Variants in NOL4 observed in about 807,000 individuals in gnomAD.
NOL4 encodes the protein nucleolar protein 4.
Under a neutral mutation model 75.9 loss-of-function variants are expected in NOL4, and 17 were observed. That is an observed-to-expected ratio of 0.22 (90% CI 0.15 to 0.34). The LOEUF (loss-of-function observed/expected upper bound fraction) is 0.34. NOL4 is among the 10% of genes least tolerant of loss of function. NOL4 has a pLI of 1.00. For synonymous variants in NOL4, 292 were observed against 289.9 expected, an observed-to-expected ratio of 1.01 and a Z score of -0.07; for missense variants, 614 against 793.5, an observed-to-expected ratio of 0.77 and a Z score of 2.72.
At chr18:33,943,350 G>C (rs963399487) in intron 8 of NOL4, among the ~76,000 whole-genome samples, 172 bp from the exon 9 acceptor site, 9 of 151,490 alleles carry the variant, frequency 5.9e-5, no homozygotes, top group African/African-American at 2.2e-4. Context: ...GATGAAAAAT[G>C]AAAGCTAGTT....
chr18:34,189,365 C>G (rs574730264), intron 1 of NOL4, among the ~76,000 whole-genome samples: 1 of 152,186 alleles, frequency 6.6e-6, no homozygotes, highest in East Asian at 1.9e-4. Flanking sequence ...TCTTAATGAC[C>G]CAATCCAACT....
intron 2 of NOL4, among the ~76,000 whole-genome samples, chr18:34,116,360 C>T (rs2079857995): frequency 2.0e-5 from 3 of 152,168 alleles, no homozygotes; most frequent in Non-Finnish European, 2.9e-5. Context: ...TACTTGTCTA[C>T]TTGCCAATGT....
At chr18:34,096,113 T>C (rs2078765910) in intron 4 of NOL4, among the ~76,000 whole-genome samples, 2 of 152,026 alleles carry the variant, frequency 1.3e-5, no homozygotes, top group African/African-American at 4.8e-5. Flanking sequence ...AAATGTATGC[T>C]GACACTCTTG....
chr18:34,161,348 C>A (rs2031447872), intron 1 of NOL4, among the ~76,000 whole-genome samples: 1 of 152,094 alleles, frequency 6.6e-6, no homozygotes, highest in Non-Finnish European at 1.5e-5. Flanking sequence ...GATTGCCATT[C>A]TATTTCTAGT....
chr18:34,179,094 A>C (rs1568424063), intron 1 of NOL4, among the ~76,000 whole-genome samples: 1 of 151,640 alleles, frequency 6.6e-6, no homozygotes, highest in Non-Finnish European at 1.5e-5. Context: ...AAAACTAATG[A>C]GTCAAAGAAG....
chr18:34,098,411 A>G (rs2078890725), intron 4 of NOL4, among the ~76,000 whole-genome samples: 1 of 152,162 alleles, frequency 6.6e-6, no homozygotes, highest in African/African-American at 2.4e-5. Flanking sequence ...AGGAGCATAA[A>G]GGAGCATCAA....
At chr18:34,081,311 G>T (rs186513723) in intron 5 of NOL4, among the ~76,000 whole-genome samples, 174 of 152,176 alleles carry the variant, frequency 1.1e-3, no homozygotes, top group African/African-American at 4.1e-3. Context: ...TCACATTTGT[G>T]TAGGACTGAA....
chr18:34,191,167 G>A (rs963096176), intron 1 of NOL4, among the ~76,000 whole-genome samples: 2 of 152,016 alleles, frequency 1.3e-5, no homozygotes, highest in African/African-American at 4.8e-5. Context: ...AATTCCACAA[G>A]TACTTGGTTG....
intron 9 of NOL4, among the ~76,000 whole-genome samples, chr18:33,898,214 A>G (rs1381827178): frequency 6.6e-6 from 1 of 152,154 alleles, no homozygotes; most frequent in Admixed American, 6.6e-5. Flanking sequence ...TGCCCAACCA[A>G]AAATATTTCC....
intron 8 of NOL4, among the ~76,000 whole-genome samples, chr18:33,950,211 T>G (rs2069119104): frequency 6.6e-6 from 1 of 151,688 alleles, no homozygotes; most frequent in African/African-American, 2.4e-5. Flanking sequence ...TTGGTTAAGA[T>G]CAAGTGTAAT....
chr18:33,860,405 A>G (rs1315485953), intron 10 of NOL4, among the ~76,000 whole-genome samples: 1 of 152,164 alleles, frequency 6.6e-6, no homozygotes, highest in African/African-American at 2.4e-5. Flanking sequence ...CCTAAGTCTC[A>G]TCTGAGACAA....
At chr18:33,863,808 C>T (rs1036108471) in intron 10 of NOL4, among the ~76,000 whole-genome samples, 2 of 152,144 alleles carry the variant, frequency 1.3e-5, no homozygotes, top group Non-Finnish European at 1.5e-5. Flanking sequence ...CCCAAATTTC[C>T]CTTCCACACA....
Position 34,121,657 on chromosome 18 carries a change from G to A in NOL4, c.414+8214C>T, listed in dbSNP as rs146337854. On this transcript the variant is annotated intron_variant, in intron 2 of 10. Coordinates refer to ENST00000261592, the MANE Select transcript of NOL4 (RefSeq NM_003787.5). Reference sequence around the variant, plus strand: ...GAGATGACGACAGTGCACTATGGTTGCAGAATCAGTTGTCTGAATTATTGA... The same window carrying A: ...GAGATGACGACAGTGCACTATGGTTACAGAATCAGTTGTCTGAATTATTGA... Among the ~76,000 whole-genome samples the A allele has an allele frequency of 7.7e-3, 1,180 of 152,304 alleles. 10 individuals carry two copies. The highest frequency in any genetic ancestry group is 6.9e-3 in the Non-Finnish European group (467 of 68,018).
intron 5 of NOL4, among the ~76,000 whole-genome samples, chr18:34,086,214 A>T (rs1411872587): frequency 6.6e-6 from 1 of 152,160 alleles, no homozygotes; most frequent in Non-Finnish European, 1.5e-5. Flanking sequence ...AGTGTATGCA[A>T]ATTAAAAAGT....
chr18:34,105,732 A>T (rs1264171049), intron 2 of NOL4, among the ~76,000 whole-genome samples: 4 of 151,996 alleles, frequency 2.6e-5, no homozygotes, highest in Admixed American at 2.6e-4. Flanking sequence ...AAATGCATTT[A>T]GGCCACCTAT....
At chr18:33,868,163 G>A (rs2144425800) in intron 10 of NOL4, among the ~76,000 whole-genome samples, 1 of 151,324 alleles carries the variant, frequency 6.6e-6, no homozygotes, top group South Asian at 2.1e-4. Context: ...TCAGCCTCCA[G>A]AGTATCTGGG....
chr18:34,052,747 A>G (rs2076676299), intron 5 of NOL4, among the ~76,000 whole-genome samples: 1 of 152,082 alleles, frequency 6.6e-6, no homozygotes, highest in South Asian at 2.1e-4. Context: ...TTTTTATAAA[A>G]TTATACACAG....
intron 2 of NOL4, among the ~76,000 whole-genome samples, chr18:34,128,591 T>C (rs1255656900): frequency 2.6e-5 from 4 of 151,862 alleles, no homozygotes; most frequent in African/African-American, 7.2e-5. Flanking sequence ...AAAGAATGTC[T>C]CCTGGAATGT....
At chr18:34,192,158 G>A (rs962129152) in intron 1 of NOL4, among the ~76,000 whole-genome samples, 1 of 152,096 alleles carries the variant, frequency 6.6e-6, no homozygotes, top group African/African-American at 2.4e-5. Context: ...GCTGTCACAA[G>A]TTTATAGCTC....
Sources: gnomAD v4.1 joint callset for allele counts (sites outside exome capture counted in the v4.1 genomes callset) on GRCh38, gnomAD v4.1.1 for gene constraint, MANE v1.5 for transcripts, NCBI Gene and HGNC (gene_info 2026-07-23, HGNC 2026-07-21) for gene names.